Variants in VPS37A observed in about 807,000 individuals in gnomAD.
VPS37A encodes the protein vacuolar protein sorting-associated protein 37A.
VPS37A carries 30 observed loss-of-function variants against 49.8 expected under a neutral mutation model. The observed-to-expected ratio is 0.60, with a 90% CI of 0.45 to 0.82. The LOEUF is 0.82. VPS37A is among the 40% of genes least tolerant of loss of function. VPS37A has a pLI of 0.00. For missense variants in VPS37A, 593 were observed against 464.4 expected, an observed-to-expected ratio of 1.28 and a Z score of -2.55; for synonymous variants, 195 against 160.6, an observed-to-expected ratio of 1.21 and a Z score of -1.62.
rs755085188 is a variant in VPS37A at position 17,280,189 on chromosome 8, G to A, written c.841+34G>A. On this transcript the variant is annotated intron_variant, in intron 7 of 11. Coordinates refer to ENST00000324849, the MANE Select transcript of VPS37A (RefSeq NM_152415.3). ...TCCCTCTCCTGAGCGCACATTTCCT[G>A]AAAAAAATCTCATCTTTACCTAGAA... is the stretch of plus-strand genomic sequence containing the variant. The A allele has an allele frequency of 3.1e-6, 5 of 1,608,636 alleles. No individual in the cohort carries two copies. The African/African-American group carries it at 5.4e-5, about 17-fold the overall frequency.
intron 1 of VPS37A, among the ~76,000 whole-genome samples, chr8:17,250,136 G>A (rs541217419): frequency 3.3e-5 from 5 of 152,252 alleles, no homozygotes; most frequent in East Asian, 3.9e-4. Context: ...GTAATATACC[G>A]CCCAGGGGAG....
At chr8:17,322,975 T>C in the VPS37A span, among the ~76,000 whole-genome samples, 1 of 136,108 alleles carries the variant, frequency 7.3e-6, no homozygotes, top group South Asian at 2.4e-4. Flanking sequence ...TTTGAGACAG[T>C]CTTGCTCTGT....
intron 9 of VPS37A, among the ~76,000 whole-genome samples, chr8:17,283,374 ATG>A: frequency 6.6e-6 from 1 of 152,146 alleles, no homozygotes; most frequent in South Asian, 2.1e-4. Flanking sequence ...CAGCCTGGTC[ATG>A]AACTCCCAGG....
intron 11 of VPS37A, among the ~76,000 whole-genome samples, chr8:17,294,781 T>C (rs1269942014): frequency 6.6e-6 from 1 of 152,146 alleles, no homozygotes; most frequent in East Asian, 1.9e-4. Context: ...CCAGTCCCAG[T>C]GAGATGAACC....
chr8:17,265,104 C>A (rs1447028661), intron 1 of VPS37A, among the ~76,000 whole-genome samples: 1 of 152,192 alleles, frequency 6.6e-6, no homozygotes, highest in Non-Finnish European at 1.5e-5. Flanking sequence ...ACCCAAGCTA[C>A]TTCTTTCTTT....
downstream of VPS37A, among the ~76,000 whole-genome samples, chr8:17,300,513 C>A (rs1259876552): frequency 1.3e-5 from 2 of 152,120 alleles, no homozygotes; most frequent in Non-Finnish European, 2.9e-5. Flanking sequence ...CTTTTCTATA[C>A]CTACATGGTT....
chr8:17,305,642 T>C (rs2150471530), downstream of VPS37A: 1 of 809,032 alleles, frequency 1.2e-6, no homozygotes, highest in Middle Eastern at 2.8e-4. Context: ...AATCTGTCAG[T>C]ATAGGTATGT....
the VPS37A span, among the ~76,000 whole-genome samples, chr8:17,314,206 G>C: frequency 1.3e-5 from 2 of 152,162 alleles, no homozygotes; most frequent in African/African-American, 4.8e-5. Context: ...CCAAAGTGGA[G>C]GTTTAGACCT....
rs1479476140 is a variant in VPS37A at position 17,297,953 on chromosome 8, A to AAAC, written c.*2968_*2970dup. On this transcript the variant is annotated 3_prime_UTR_variant, in exon 12 of 12. Transcript: ENST00000324849. The stretch of plus-strand genomic sequence containing the variant: ...CTGATATGGAAGTTGTCATATTAAA[A>AAAC]AACTACATTTTAAAACATCAAATAT... 1.3e-5 allele frequency: 2 copies of AAAC among 152,108 alleles called. No individual in the cohort carries two copies. Among genetic ancestry groups the AAAC allele is most frequent in the Non-Finnish European group, 2.9e-5 (2 of 67,932 alleles). 9.4% of individuals were successfully genotyped at this position (152,108 alleles called of 1,614,324 possible).
chr8:17,247,083 C>T lies in VPS37A; in HGVS notation c.-162C>T, dbSNP rs1585882249. 2 of 913,156 alleles carry T rather than the reference C, an allele frequency of 2.2e-6. No individual in the cohort carries two copies. Among genetic ancestry groups the T allele is most frequent in the Non-Finnish European group, 3.2e-6 (2 of 616,904 alleles). 56.6% of individuals were successfully genotyped at this position (913,156 alleles called of 1,614,324 possible). On this transcript the variant is annotated 5_prime_UTR_variant, in exon 1 of 12. Coordinates refer to ENST00000324849, the MANE Select transcript of VPS37A (RefSeq NM_152415.3). ...CGTTCGTAGCATGTCCCCCAGAACT[C>T]GGGGAGCGCAGGCAGGACAGGCTTA...
downstream of VPS37A, chr8:17,302,479 G>GA: frequency 2.0e-6 from 1 of 503,110 alleles, no homozygotes; most frequent in Non-Finnish European, 3.4e-6. Flanking sequence ...CTTTTGGGGA[G>GA]AATAAGTTTA....
chr8:17,277,889 CACACACACACACAG>C (rs1179991247), intron 6 of VPS37A, among the ~76,000 whole-genome samples: 4 of 151,474 alleles, frequency 2.6e-5, no homozygotes, highest in Non-Finnish European at 4.4e-5. Flanking sequence ...CACACACACA[CACACACACACACAG>C]ACATATACAT....
chr8:17,286,108 G>C (rs1815561382), intron 10 of VPS37A, among the ~76,000 whole-genome samples: 1 of 152,144 alleles, frequency 6.6e-6, no homozygotes, highest in South Asian at 2.1e-4. Flanking sequence ...CAGGAAAGAA[G>C]ATGACAGGCA....
At chr8:17,308,533 G>A in the VPS37A span, among the ~76,000 whole-genome samples, 54 of 152,268 alleles carry the variant, frequency 3.5e-4, no homozygotes, top group Non-Finnish European at 4.1e-4. Context: ...AGAAAACACA[G>A]TAAAACTTCT....
chr8:17,322,848 G>A, the VPS37A span, among the ~76,000 whole-genome samples: 2 of 151,712 alleles, frequency 1.3e-5, no homozygotes, highest in African/African-American at 4.8e-5. Flanking sequence ...ATATGTATGT[G>A]TGTGCCCATT....
intron 11 of VPS37A, among the ~76,000 whole-genome samples, chr8:17,291,291 G>A (rs1253799202): frequency 6.6e-6 from 1 of 152,186 alleles, no homozygotes; most frequent in African/African-American, 2.4e-5. Context: ...GGGATTACAG[G>A]TGTGAGCCAC....
chr8:17,326,447 A>G, the VPS37A span: 1 of 152,222 alleles, frequency 6.6e-6, no homozygotes, highest in Non-Finnish European at 1.5e-5. Flanking sequence ...TGCAGTTCAT[A>G]TAATGATCCT....
the VPS37A span, among the ~76,000 whole-genome samples, chr8:17,310,472 A>T: frequency 6.6e-6 from 1 of 152,206 alleles, no homozygotes. Flanking sequence ...CACAATGAGA[A>T]CAAGTTGATG....
intron 4 of VPS37A, among the ~76,000 whole-genome samples, chr8:17,272,686 A>G (rs1032966270): frequency 6.6e-6 from 1 of 152,232 alleles, no homozygotes; most frequent in East Asian, 1.9e-4. Flanking sequence ...ATAGCTTGTT[A>G]TATTCACATA....
Sources: gnomAD v4.1 joint callset for allele counts (sites outside exome capture counted in the v4.1 genomes callset) on GRCh38, gnomAD v4.1.1 for gene constraint, MANE v1.5 for transcripts, NCBI Gene and HGNC (gene_info 2026-07-23, HGNC 2026-07-21) for gene names.